Variants in PDE4D observed in about 807,000 individuals in gnomAD.
PDE4D encodes 3',5'-cyclic-AMP phosphodiesterase 4D.
In PDE4D, 24 loss-of-function variants were observed where a neutral mutation model predicts 87.4. The observed-to-expected ratio is 0.27, with a 90% CI of 0.20 to 0.39. PDE4D has a LOEUF of 0.39. PDE4D is among the 10% of genes least tolerant of loss of function. The pLI is 1.00. For synonymous variants in PDE4D, 384 were observed against 383.2 expected, an observed-to-expected ratio of 1.00 and a Z score of -0.02; for missense variants, 714 against 1,041.0, an observed-to-expected ratio of 0.69 and a Z score of 4.32.
intron 1 of PDE4D, among the ~76,000 whole-genome samples, chr5:59,697,092 T>C (rs1751895843): frequency 6.6e-6 from 1 of 152,116 alleles, no homozygotes; most frequent in Non-Finnish European, 1.5e-5. Context: ...GATGAGAAAG[T>C]TGAATAAGAA....
chr5:60,025,225 A>T (rs1283019377), intron 2 of PDE4D, among the ~76,000 whole-genome samples: 3 of 152,218 alleles, frequency 2.0e-5, no homozygotes, highest in Non-Finnish European at 2.9e-5. Context: ...AGAACTTGAA[A>T]GTAGAACTTA....
intron 5 of PDE4D, among the ~76,000 whole-genome samples, chr5:59,074,543 A>T (rs1445987337): frequency 6.6e-6 from 1 of 152,172 alleles, no homozygotes; most frequent in Non-Finnish European, 1.5e-5. Flanking sequence ...AGATTGCTTG[A>T]GGCCAGGAGT....
intron 1 of PDE4D, among the ~76,000 whole-genome samples, chr5:60,322,359 GACACACATACAC>G (rs1756358140): frequency 1.1e-5 from 1 of 90,346 alleles, no homozygotes; most frequent in South Asian, 3.4e-4. Flanking sequence ...AATATATATG[GACACACATACAC>G]ACACACACAC....
chr5:59,987,771 C>T (rs182387082), intron 3 of PDE4D: 1 of 152,272 alleles, frequency 6.6e-6, no homozygotes, highest in African/African-American at 2.4e-5. Context: ...AATTGATGTG[C>T]CCAATATCCT....
At chr5:59,984,291 A>G (rs1353010002) in intron 3 of PDE4D, among the ~76,000 whole-genome samples, 1 of 152,210 alleles carries the variant, frequency 6.6e-6, no homozygotes, top group Non-Finnish European at 1.5e-5. Flanking sequence ...TGACTTTCCA[A>G]ATTACTTCTA....
intron 1 of PDE4D, among the ~76,000 whole-genome samples, chr5:59,507,969 T>C (rs890807978): frequency 6.6e-6 from 1 of 152,190 alleles, no homozygotes; most frequent in African/African-American, 2.4e-5. Flanking sequence ...TTTCCTCTTA[T>C]GGTATAATTC....
intron 1 of PDE4D, among the ~76,000 whole-genome samples, chr5:59,652,326 G>A (rs1743641754): frequency 6.6e-6 from 1 of 152,118 alleles, no homozygotes. Context: ...TTAAAATTAA[G>A]CTACTGAAAA....
At chr5:59,470,224 G>T (rs528619648) in intron 1 of PDE4D, among the ~76,000 whole-genome samples, 15 of 152,218 alleles carry the variant, frequency 9.9e-5, no homozygotes, top group African/African-American at 3.6e-4. Context: ...TAATGAAACT[G>T]CAGGGACAGA....
At chr5:59,317,046 T>C (rs748652978) in intron 1 of PDE4D, among the ~76,000 whole-genome samples, 1 of 152,180 alleles carries the variant, frequency 6.6e-6, no homozygotes, top group Non-Finnish European at 1.5e-5. Context: ...CACTACATCC[T>C]GCAGCTGTCA....
At chr5:59,857,103 C>T (rs373270615) in intron 1 of PDE4D, among the ~76,000 whole-genome samples, 4 of 152,212 alleles carry the variant, frequency 2.6e-5, no homozygotes, top group African/African-American at 9.6e-5. Context: ...TGAAATGCCC[C>T]GCAAGTGTGC....
At chr5:59,485,893 C>A (rs1225190559) in intron 1 of PDE4D, among the ~76,000 whole-genome samples, 2 of 151,922 alleles carry the variant, frequency 1.3e-5, no homozygotes, top group African/African-American at 4.8e-5. Context: ...TTGATTTTTC[C>A]GTTTTGTGAA....
At chr5:59,810,842 G>T (rs1768273734) in intron 1 of PDE4D, among the ~76,000 whole-genome samples, 1 of 152,096 alleles carries the variant, frequency 6.6e-6, no homozygotes, top group Non-Finnish European at 1.5e-5. Flanking sequence ...TTGTGGATTT[G>T]GGCAACAGCT....
intron 1 of PDE4D, among the ~76,000 whole-genome samples, chr5:59,402,722 C>T (rs543644102): frequency 1.3e-5 from 2 of 152,248 alleles, no homozygotes; most frequent in East Asian, 1.9e-4. Flanking sequence ...ATGCACAGGG[C>T]TTAGAACAAG....
At chr5:60,427,133 G>A (rs751203402) in intron 1 of PDE4D, among the ~76,000 whole-genome samples, 13 of 151,948 alleles carry the variant, frequency 8.6e-5, no homozygotes, top group Non-Finnish European at 1.8e-4. Flanking sequence ...AGTGAGAATG[G>A]GCCAGAAAAA....
At chr5:60,407,272 C>T (rs1297903052) in intron 1 of PDE4D, among the ~76,000 whole-genome samples, 1 of 151,942 alleles carries the variant, frequency 6.6e-6, no homozygotes, top group African/African-American at 2.4e-5. Context: ...ACGTTTCTCT[C>T]AGAAGATCAT....
At chr5:58,993,910 G>A (rs1049197882) in intron 6 of PDE4D, among the ~76,000 whole-genome samples, 1 of 151,976 alleles carries the variant, frequency 6.6e-6, no homozygotes, top group African/African-American at 2.4e-5. Flanking sequence ...CTAATTTATA[G>A]CACATAAAAG....
intron 1 of PDE4D, among the ~76,000 whole-genome samples, chr5:59,590,972 G>A (rs1223042566): frequency 6.6e-6 from 1 of 152,150 alleles, no homozygotes; most frequent in African/African-American, 2.4e-5. Context: ...GCTCATAAGA[G>A]TGAAGGTTTT....
Position 58,985,700 on chromosome 5 carries a change from AGAGCT to A in PDE4D, c.1552+2788_1552+2792del, listed in dbSNP as rs1268443593. On this transcript the variant is annotated intron_variant, in intron 11 of 14. Transcript: ENST00000340635. ...GGATGGCAGCTCCAGCTCTGAGGCA[AGAGCT>A]GAGAATGTGCTGGCTTGACACATGG... 3.3e-5 allele frequency among the ~76,000 whole-genome samples: 5 copies of A among 152,308 alleles called. No homozygotes were observed. In the East Asian group the frequency reaches 7.7e-4, roughly 24 times the overall value.
chr5:60,337,358 T>TAC (rs1757877029), intron 1 of PDE4D, among the ~76,000 whole-genome samples: 1 of 92,668 alleles, frequency 1.1e-5, no homozygotes, highest in African/African-American at 5.5e-5. Context: ...AAACTATATA[T>TAC]ATATATATAT....
Sources: gnomAD v4.1 joint callset for allele counts (sites outside exome capture counted in the v4.1 genomes callset) on GRCh38, gnomAD v4.1.1 for gene constraint, MANE v1.5 for transcripts, NCBI Gene and HGNC (gene_info 2026-07-23, HGNC 2026-07-21) for gene names.